IL1RL1: variants seen among roughly 807,000 people sequenced by gnomAD.
IL1RL1 encodes the protein interleukin 1 receptor like 1.
A neutral mutation model predicts 50.9 loss-of-function variants in IL1RL1; 32 were observed. That is an observed-to-expected ratio of 0.63 (90% CI 0.47 to 0.84). IL1RL1 has a LOEUF of 0.84. Among genes scored for constraint, IL1RL1 ranks in the 40% least tolerant of loss-of-function variants. IL1RL1 has a pLI of 0.00. For synonymous variants in IL1RL1, 275 were observed against 236.0 expected (o/e 1.17, Z -1.51); for missense variants, 773 against 662.9 (o/e 1.17, Z -1.82).
At chr2:102,338,663 A>G (rs939405069) in intron 2 of IL1RL1, among the ~76,000 whole-genome samples, 174 bp from the exon 3 acceptor site, 2 of 152,202 alleles carry the variant, frequency 1.3e-5, no homozygotes, top group Non-Finnish European at 2.9e-5. Context: ...TTTAGCTCCA[A>G]ATTAATTCAT....
chr2:102,327,476 T>C (rs1357059574), intron 1 of IL1RL1, among the ~76,000 whole-genome samples: 11 of 151,792 alleles, frequency 7.2e-5, no homozygotes, highest in Admixed American at 3.9e-4. Flanking sequence ...CATTCAAAAG[T>C]TAGCAGAAGG....
At chr2:102,345,195 T>G in intron 8 of IL1RL1, 1 of 976,994 alleles carries the variant, frequency 1.0e-6, no homozygotes, top group Non-Finnish European at 1.2e-6. Flanking sequence ...ACATCAGAGA[T>G]GAAGTGCTCT....
At chr2:102,315,433 G>A (rs534998355) in intron 1 of IL1RL1, among the ~76,000 whole-genome samples, 158 of 152,266 alleles carry the variant, frequency 1.0e-3, no homozygotes, top group African/African-American at 3.6e-3. Flanking sequence ...TACCATCTGA[G>A]CAGAGATCTC....
chr2:102,331,512 T>C (rs938463479), intron 1 of IL1RL1, among the ~76,000 whole-genome samples: 3 of 152,234 alleles, frequency 2.0e-5, no homozygotes, highest in Non-Finnish European at 4.4e-5. Context: ...CCCATTTCTT[T>C]TTCCTGAGTG....
chr2:102,321,731 C>A (rs1676844365), intron 1 of IL1RL1, among the ~76,000 whole-genome samples: 1 of 152,184 alleles, frequency 6.6e-6, no homozygotes, highest in Non-Finnish European at 1.5e-5. Flanking sequence ...CCCCTCTTTG[C>A]ATCTTCCAAG....
chr2:102,335,608 C>T (rs1677299315), intron 1 of IL1RL1, among the ~76,000 whole-genome samples: 1 of 152,150 alleles, frequency 6.6e-6, no homozygotes, highest in African/African-American at 2.4e-5. Flanking sequence ...AAGAGTTCAA[C>T]TTTAATAAAT....
intron 4 of IL1RL1, 83 bp downstream of exon 4, chr2:102,340,355 G>C: frequency 8.3e-7 from 1 of 1,204,394 alleles, no homozygotes; most frequent in Non-Finnish European, 1.2e-6. Flanking sequence ...GCTCATGCCT[G>C]TAATCCTAGC....
chr2:102,343,066 G>A lies in IL1RL1; in HGVS notation c.713G>A (p.Cys238Tyr), dbSNP rs1174888883. The A allele has an allele frequency of 1.9e-6, 3 of 1,614,108 alleles. No individual in the cohort carries two copies. Among genetic ancestry groups the A allele is most frequent in the Non-Finnish European group, 2.5e-6 (3 of 1,180,002 alleles). Residue 238 changes from cysteine to tyrosine, a missense_variant, in exon 7 of 11, where the codon TGT (cysteine) becomes TAT (tyrosine). Transcript: ENST00000233954. ...AACGCAAACCTAACTTGCTCTGCTT[G>A]TTTTGGAAAAGGCACTCAGTTCTTG... ...GKNANLTCSA[C>Y]FGKGTQFLAA...
At chr2:102,320,668 A>G (rs991144518) in intron 1 of IL1RL1, among the ~76,000 whole-genome samples, 1 of 152,092 alleles carries the variant, frequency 6.6e-6, no homozygotes, top group African/African-American at 2.4e-5. Context: ...CTATTTGACC[A>G]GTTACTCAGG....
In IL1RL1 at chr2:102,340,230, C is replaced by T. The variant is rs1409230287; in HGVS notation, c.405C>T (p.Thr135=). 4.4e-6 allele frequency: 7 copies of T among 1,604,876 alleles called. No individual in the cohort carries two copies. The highest frequency in any genetic ancestry group is 5.9e-6 in the Non-Finnish European group (7 of 1,177,756). The part of the protein sequence containing the change: ...SEKNSKIYCP[T]IDLYNWTAPL... ...AAAATTCCAAAATTTATTGTCCTAC[C>T]ATTGACCTCTACAACTGGACAGCAC... Residue 135 remains threonine, a synonymous_variant, in exon 4 of 11, where the codon ACC becomes ACT. Coordinates refer to ENST00000233954, the MANE Select transcript of IL1RL1 (RefSeq NM_016232.5).
chr2:102,311,776 A>G lies in IL1RL1; in HGVS notation c.-150+153A>G, dbSNP rs561711939. On this transcript the variant is annotated intron_variant, in intron 1 of 10. Coordinates refer to ENST00000233954, the MANE Select transcript of IL1RL1 (RefSeq NM_016232.5). The stretch of plus-strand genomic sequence containing the variant: ...TAATATATAATATATATAATATATA[A>G]TTGTTATAACATTATAACAATTATA... Among the ~76,000 whole-genome samples the G allele has an allele frequency of 5.7e-4, 67 of 117,638 alleles. 1 individual carries two copies. The East Asian group carries it at 0.012, about 21-fold the overall frequency. 77.2% of individuals were successfully genotyped at this position (117,638 alleles called of 152,430 possible). A position where few individuals can be genotyped will look rare whatever the true frequency, so the allele number is the denominator to read the frequency against.
intron 1 of IL1RL1, among the ~76,000 whole-genome samples, chr2:102,320,180 C>T (rs549136121): frequency 1.9e-4 from 29 of 152,298 alleles, no homozygotes; most frequent in African/African-American, 6.5e-4. Context: ...AATGCCTTAT[C>T]GCACAGCTTT....
At position 102,318,236 on chromosome 2, in the gene IL1RL1, G is replaced by T. The variant is rs540890044; in HGVS notation, c.-150+6613G>T. On this transcript the variant is annotated intron_variant, in intron 1 of 10. Transcript: ENST00000233954. ...GCAATAATTCAGGCAAGAGATGGTG[G>T]TGGCTTGGATCAGCAAAGATGGCCA... Among the ~76,000 whole-genome samples, 12 of 152,278 alleles carry T rather than the reference G, an allele frequency of 7.9e-5. No individual in the cohort carries two copies. The South Asian group carries it at 2.5e-3, about 32-fold the overall frequency.
chr2:102,332,552 A>T (rs1027640204), intron 1 of IL1RL1, among the ~76,000 whole-genome samples: 29 of 152,230 alleles, frequency 1.9e-4, no homozygotes, highest in Admixed American at 5.9e-4. Flanking sequence ...TAAGGCAGTC[A>T]CAAAGGGCAC....
At position 102,346,413 on chromosome 2, in the gene IL1RL1, T is replaced by C. The variant is rs113127213; in HGVS notation, c.971-1532T>C. Among the ~76,000 whole-genome samples the C allele has an allele frequency of 4.1e-4, 62 of 152,378 alleles. 1 individual carries two copies. The South Asian group carries it at 0.011, about 26-fold the overall frequency. On this transcript the variant is annotated intron_variant, in intron 8 of 10. Transcript: ENST00000233954. ...CACAGCCAGCATTTTCCTAGCTATA[T>C]GTGTATACAGAAAGTAATGTTTTGT...
intron 1 of IL1RL1, among the ~76,000 whole-genome samples, chr2:102,314,792 C>A (rs1248729054): frequency 6.6e-6 from 1 of 152,108 alleles, no homozygotes; most frequent in East Asian, 1.9e-4. Flanking sequence ...GGCAGCACAG[C>A]CAGAGAGGAG....
intron 1 of IL1RL1, among the ~76,000 whole-genome samples, chr2:102,324,723 G>T (rs1006166336): frequency 1.3e-5 from 2 of 152,230 alleles, no homozygotes; most frequent in African/African-American, 2.4e-5. Flanking sequence ...CTGGCTTGGA[G>T]GGTCCTACAC....
At chr2:102,320,560 T>A (rs765618943) in intron 1 of IL1RL1, among the ~76,000 whole-genome samples, 1 of 152,178 alleles carries the variant, frequency 6.6e-6, no homozygotes, top group Admixed American at 6.5e-5. Flanking sequence ...TCCAGTTTTA[T>A]GTCTAATGAG....
At chr2:102,317,323 C>T (rs1213677268) in intron 1 of IL1RL1, among the ~76,000 whole-genome samples, 1 of 152,050 alleles carries the variant, frequency 6.6e-6, no homozygotes, top group Non-Finnish European at 1.5e-5. Context: ...CACCGCACTC[C>T]AGCCTGGGTG....
Sources: gnomAD v4.1 joint callset for allele counts (sites outside exome capture counted in the v4.1 genomes callset) on GRCh38, gnomAD v4.1.1 for gene constraint, MANE v1.5 for transcripts, NCBI Gene and HGNC (gene_info 2026-07-23, HGNC 2026-07-21) for gene names.